RC3H1: variants seen among roughly 807,000 people sequenced by gnomAD.
The protein encoded by RC3H1 is ring finger and CCCH-type domains 1.
A neutral mutation model predicts 138.2 loss-of-function variants in RC3H1; 50 were observed. That is an observed-to-expected ratio of 0.36 (90% CI 0.29 to 0.46). The LOEUF (loss-of-function observed/expected upper bound fraction) is 0.46, where lower values mean the gene tolerates loss of function less well. Ranked by LOEUF, RC3H1 falls within the 20% of genes least tolerant of loss-of-function variation. The pLI is 1.00. For synonymous variants in RC3H1, 462 were observed against 489.1 expected (o/e 0.94, Z 0.73); for missense variants, 1,031 against 1,388.1 (o/e 0.74, Z 4.09).
intron 10 of RC3H1, 115 bp downstream of exon 10, chr1:173,964,724 G>A (rs547253129): frequency 1.1e-4 from 117 of 1,048,176 alleles, no homozygotes; most frequent in Non-Finnish European, 1.5e-4. Flanking sequence ...ACAAAATAAA[G>A]GCCAAAAAAA....
In RC3H1 at chr1:173,978,814, T is replaced by C. The variant is rs534927015; in HGVS notation, c.970-194A>G. Among the ~76,000 whole-genome samples, 349 of 152,296 alleles carry C rather than the reference T, an allele frequency of 2.3e-3. 3 individuals carry two copies. Among genetic ancestry groups the C allele is most frequent in the Non-Finnish European group, 1.2e-3 (79 of 68,028 alleles). On this transcript the variant is annotated intron_variant, in intron 6 of 19. Coordinates refer to ENST00000367696, the MANE Select transcript of RC3H1 (RefSeq NM_172071.4). ...TTCTCTGCATCCAGAGCTTGGCACATTGTGTACTGTATTGCCTCTGCTGTC... is the reference window on the plus strand; with the variant it reads ...TTCTCTGCATCCAGAGCTTGGCACACTGTGTACTGTATTGCCTCTGCTGTC...
intron 12 of RC3H1, 38 bp downstream of exon 12, chr1:173,961,687 C>A: frequency 1.3e-6 from 2 of 1,554,020 alleles, no homozygotes; most frequent in South Asian, 2.4e-5. Flanking sequence ...AAGCAACAGT[C>A]AAATTAAGTC....
intron 18 of RC3H1, among the ~76,000 whole-genome samples, chr1:173,942,826 A>AT (rs1658957774): frequency 7.0e-6 from 1 of 142,682 alleles, no homozygotes; most frequent in African/African-American, 2.8e-5. Context: ...ACTCCGCCTC[A>AT]AAAAAAAAAA....
At position 173,955,976 on chromosome 1, in the gene RC3H1, CA is replaced by C. The variant is rs1659627267; in HGVS notation, c.2371-3839del. On this transcript the variant is annotated intron_variant, in intron 13 of 19. Coordinates refer to ENST00000367696, the MANE Select transcript of RC3H1 (RefSeq NM_172071.4). The stretch of plus-strand genomic sequence containing the variant: ...TGAAACCCTGCCTCTACTAAAAATA[CA>C]AAAATTAGCCTGGCATGGTGGTGCA... Among the ~76,000 whole-genome samples, 3 of 151,710 alleles carry C rather than the reference CA, an allele frequency of 2.0e-5. No homozygotes were observed. The East Asian group carries it at 5.9e-4, about 30-fold the overall frequency.
chr1:173,962,447 G>A (rs1228754701), intron 11 of RC3H1, among the ~76,000 whole-genome samples: 8 of 152,164 alleles, frequency 5.3e-5, no homozygotes, highest in Admixed American at 5.2e-4. Context: ...ACTTGCATGA[G>A]TTTTGAATTT....
chr1:173,985,440 A>C (rs1571223637), intron 2 of RC3H1, among the ~76,000 whole-genome samples: 1 of 152,232 alleles, frequency 6.6e-6, no homozygotes, highest in South Asian at 2.1e-4. Context: ...TTTTATGTAG[A>C]AAGATAATTC....
At chr1:173,951,470 A>G (rs1004809585) in intron 14 of RC3H1, among the ~76,000 whole-genome samples, 2 of 152,220 alleles carry the variant, frequency 1.3e-5, no homozygotes, top group Non-Finnish European at 2.9e-5. Context: ...CTGAGCAGCT[A>G]TAATTCTGAC....
chr1:174,006,929 A>G (rs768428048), intron 1 of RC3H1, among the ~76,000 whole-genome samples: 7 of 152,184 alleles, frequency 4.6e-5, no homozygotes, highest in African/African-American at 1.2e-4. Context: ...GTTCAGTTCA[A>G]CGAATTATCA....
intron 1 of RC3H1, among the ~76,000 whole-genome samples, 165 bp downstream of exon 1, chr1:174,021,931 G>C (rs1343861139): frequency 6.6e-6 from 1 of 152,226 alleles, no homozygotes; most frequent in Non-Finnish European, 1.5e-5. Context: ...CAGAACAGCC[G>C]GCGGGGGCCC....
chr1:174,011,843 C>T (rs932840495), intron 1 of RC3H1, among the ~76,000 whole-genome samples: 2 of 152,024 alleles, frequency 1.3e-5, no homozygotes, highest in Non-Finnish European at 2.9e-5. Flanking sequence ...TTTAGGATGC[C>T]AATAATGTTC....
At chr1:173,965,585 G>A (rs1003684864) in intron 9 of RC3H1, among the ~76,000 whole-genome samples, 4 of 125,164 alleles carry the variant, frequency 3.2e-5, no homozygotes, top group Non-Finnish European at 6.0e-5. Context: ...GCGAGATTCT[G>A]TCTCAAAAAA....
rs540524856 is a variant in RC3H1, at chr1:173,992,586, A to C, written c.231+169T>G. On this transcript the variant is annotated intron_variant, in intron 2 of 19. Coordinates refer to ENST00000367696, the MANE Select transcript of RC3H1 (RefSeq NM_172071.4). ...GCTGAAATAAAGGATTTACAGTACC[A>C]AACAGAATTATACCTATTTAAATAG... Among the ~76,000 whole-genome samples the C allele has an allele frequency of 1.1e-3, 160 of 152,278 alleles. 2 individuals are homozygous for C. The Middle Eastern group carries it at 0.014, about 13-fold the overall frequency.
intron 9 of RC3H1, among the ~76,000 whole-genome samples, chr1:173,968,357 T>C (rs529103085): frequency 6.6e-6 from 1 of 152,200 alleles, no homozygotes; most frequent in South Asian, 2.1e-4. Flanking sequence ...TATGGGAAAA[T>C]GAAACTTTTA....
chr1:174,011,465 G>A (rs549357585), intron 1 of RC3H1, among the ~76,000 whole-genome samples: 14 of 151,094 alleles, frequency 9.3e-5, no homozygotes, highest in South Asian at 2.1e-4. Context: ...TACAGGGAAA[G>A]CATTTCTAAA....
chr1:174,019,279 C>T (rs1661916222), intron 1 of RC3H1, among the ~76,000 whole-genome samples: 1 of 152,124 alleles, frequency 6.6e-6, no homozygotes, highest in African/African-American at 2.4e-5. Flanking sequence ...TGACAGGATA[C>T]AAATAATGAT....
rs1490519891 is a variant in RC3H1, at chr1:173,933,539, C to A, written c.*5182G>T. ...TTCAAATCTTAAGATTTACTTGCTA[C>A]AATTAATAGTACCTTTTGACAAAAA... On this transcript the variant is annotated 3_prime_UTR_variant, in exon 20 of 20. Coordinates refer to ENST00000367696, the MANE Select transcript of RC3H1 (RefSeq NM_172071.4). The A allele has an allele frequency of 1.3e-5, 2 of 152,084 alleles. No individual in the cohort carries two copies. Among genetic ancestry groups the A allele is most frequent in the African/African-American group, 4.8e-5 (2 of 41,434 alleles). 9.4% of individuals were successfully genotyped at this position (152,084 alleles called of 1,614,324 possible).
At chr1:173,989,750 C>T (rs1242717811) in intron 2 of RC3H1, among the ~76,000 whole-genome samples, 4 of 116,982 alleles carry the variant, frequency 3.4e-5, no homozygotes, top group Non-Finnish European at 4.9e-5. Flanking sequence ...GACGGAGTCT[C>T]GCTCTGTCGC....
chr1:173,941,584 ATAAG>A, intron 18 of RC3H1: 1 of 451,864 alleles, frequency 2.2e-6, no homozygotes. Flanking sequence ...AAGCTGGACA[ATAAG>A]ACAGACAATG....
chr1:173,966,771 A>C (rs1660137382), intron 9 of RC3H1, among the ~76,000 whole-genome samples: 1 of 152,098 alleles, frequency 6.6e-6, no homozygotes, highest in Admixed American at 6.6e-5. Flanking sequence ...CAGAGTAATA[A>C]TGCTATTTTT....
Sources: gnomAD v4.1 joint callset for allele counts (sites outside exome capture counted in the v4.1 genomes callset) on GRCh38, gnomAD v4.1.1 for gene constraint, MANE v1.5 for transcripts, NCBI Gene and HGNC (gene_info 2026-07-23, HGNC 2026-07-21) for gene names.